Variants in TBC1D14 observed in about 807,000 individuals in gnomAD.
TBC1D14 encodes TBC1 domain family member 14.
Under a neutral mutation model 79.0 loss-of-function variants are expected in TBC1D14, and 26 were observed. The observed-to-expected ratio is 0.33, with a 90% CI of 0.24 to 0.46. The LOEUF is 0.46. Among genes scored for constraint, TBC1D14 ranks in the 20% least tolerant of loss-of-function variants. The probability of loss-of-function intolerance (pLI) is 1.00; values close to 1 mark genes in which losing one functional copy is unlikely to be tolerated. For missense variants in TBC1D14, 769 were observed against 887.6 expected (o/e 0.87, Z 1.70); for synonymous variants, 394 against 349.9 (o/e 1.13, Z -1.40).
rs1289734835 is a variant in TBC1D14 at position 6,916,516 on chromosome 4, A to C, written c.-18+6565A>C. ...TCCCACTGCTTTTTAAGGAGGAGAA[A>C]ATCAAGCAGTTGCTTCTAGATGGAA... On this transcript the variant is annotated intron_variant, in intron 1 of 13. Coordinates refer to ENST00000409757, the MANE Select transcript of TBC1D14 (RefSeq NM_020773.3). Among the ~76,000 whole-genome samples, 8 of 152,278 alleles carry C rather than the reference A, an allele frequency of 5.3e-5. No individual in the cohort carries two copies. The South Asian group carries it at 1.4e-3, about 28-fold the overall frequency.
intron 3 of TBC1D14, among the ~76,000 whole-genome samples, chr4:6,974,637 G>A (rs1430881730): frequency 1.3e-5 from 2 of 152,148 alleles, no homozygotes; most frequent in Admixed American, 1.3e-4. Flanking sequence ...GCTGACTTGG[G>A]AACCACAACT....
At chr4:6,915,768 A>G (rs933921305) in intron 1 of TBC1D14, among the ~76,000 whole-genome samples, 2 of 151,986 alleles carry the variant, frequency 1.3e-5, no homozygotes, top group African/African-American at 4.8e-5. Context: ...TGGGATCTGT[A>G]TACCCTCAGG....
At chr4:7,028,825 T>C (rs146048090) in intron 13 of TBC1D14, among the ~76,000 whole-genome samples, 162 of 152,082 alleles carry the variant, frequency 1.1e-3, no homozygotes, top group African/African-American at 3.6e-3. Flanking sequence ...CTGGTGAGCT[T>C]TCTTTTTCTT....
chr4:6,976,590 T>C (rs534255911), intron 3 of TBC1D14, among the ~76,000 whole-genome samples: 2 of 152,294 alleles, frequency 1.3e-5, no homozygotes, highest in African/African-American at 4.8e-5. Flanking sequence ...GGAATGAAAG[T>C]GAAATAAAGA....
At chr4:7,010,918 AG>A (rs1246457370) in intron 11 of TBC1D14, 137 bp downstream of exon 11, 2 of 1,059,836 alleles carry the variant, frequency 1.9e-6, no homozygotes, top group East Asian at 5.3e-5. Context: ...CAGCACTGTA[AG>A]GTGGAGGATG....
At chr4:7,000,749 G>T (rs112852443) in intron 6 of TBC1D14, among the ~76,000 whole-genome samples, 1 of 152,176 alleles carries the variant, frequency 6.6e-6, no homozygotes, top group African/African-American at 2.4e-5. Flanking sequence ...CAGTGCTGCT[G>T]CAGTGCCGCC....
At chr4:6,922,833 T>G (rs1577462351) in intron 1 of TBC1D14, among the ~76,000 whole-genome samples, 1 of 152,196 alleles carries the variant, frequency 6.6e-6, no homozygotes, top group South Asian at 2.1e-4. Flanking sequence ...GCGTGATGAT[T>G]ATTTTTACTT....
At chr4:6,969,872 C>T (rs1027592959) in intron 3 of TBC1D14, among the ~76,000 whole-genome samples, 6 of 152,160 alleles carry the variant, frequency 3.9e-5, no homozygotes, top group Non-Finnish European at 8.8e-5. Context: ...TGTAACTTAC[C>T]TGCGCGAGTC....
intron 3 of TBC1D14, among the ~76,000 whole-genome samples, chr4:6,978,355 A>G (rs1204859115): frequency 6.7e-6 from 1 of 148,212 alleles, no homozygotes; most frequent in African/African-American, 2.5e-5. Context: ...TCTGTGTAGA[A>G]AGAGGTAGAC....
Position 6,957,947 on chromosome 4 carries a change from CT to C in TBC1D14, c.723-9345del, listed in dbSNP as rs10665611. Among the ~76,000 whole-genome samples, 1,396 of 147,434 alleles carry C rather than the reference CT, an allele frequency of 9.5e-3. 21 individuals carry two copies. Among genetic ancestry groups the C allele is most frequent in the African/African-American group, 0.031 (1,258 of 40,288 alleles). On this transcript the variant is annotated intron_variant, in intron 2 of 13. Coordinates refer to ENST00000409757, the MANE Select transcript of TBC1D14 (RefSeq NM_020773.3). ...AAAATAAATAAAAAAGGAGTGCTGG[CT>C]TTTTTTTTTTTATGGGCTGTTTTTA...
At chr4:6,921,650 A>G (rs933438782) in intron 1 of TBC1D14, among the ~76,000 whole-genome samples, 1 of 118,718 alleles carries the variant, frequency 8.4e-6, no homozygotes, top group Non-Finnish European at 1.8e-5. Context: ...CTCAGCCTCC[A>G]TGAGTAGCTG....
At chr4:6,971,085 A>G (rs756735679) in intron 3 of TBC1D14, among the ~76,000 whole-genome samples, 3 of 150,806 alleles carry the variant, frequency 2.0e-5, no homozygotes, top group South Asian at 4.2e-4. Context: ...ACCTGCTTCA[A>G]GGAGCCTGTG....
At chr4:6,947,835 G>T (rs995336470) in intron 2 of TBC1D14, among the ~76,000 whole-genome samples, 2 of 152,098 alleles carry the variant, frequency 1.3e-5, no homozygotes, top group African/African-American at 4.8e-5. Flanking sequence ...GGAGACGTTC[G>T]TGGCAGAGTC....
intron 2 of TBC1D14, among the ~76,000 whole-genome samples, chr4:6,945,719 A>T (rs1447029530): frequency 7.5e-6 from 1 of 133,656 alleles, no homozygotes; most frequent in Non-Finnish European, 1.5e-5. Context: ...ATTGCGCTCC[A>T]GCCTGGGCAA....
At chr4:6,966,442 C>G (rs944855436) in intron 2 of TBC1D14, among the ~76,000 whole-genome samples, 8 of 152,170 alleles carry the variant, frequency 5.3e-5, no homozygotes, top group African/African-American at 1.9e-4. Context: ...TCATGAGTAA[C>G]TTTCTTTTTA....
chr4:6,926,107 G>T (rs1724275522), intron 2 of TBC1D14, among the ~76,000 whole-genome samples: 2 of 152,310 alleles, frequency 1.3e-5, no homozygotes, highest in South Asian at 4.1e-4. Flanking sequence ...GAGGAGCGTG[G>T]CCCGTGTGCC....
intron 11 of TBC1D14, among the ~76,000 whole-genome samples, chr4:7,011,279 G>A (rs748108657): frequency 1.3e-5 from 2 of 150,110 alleles, no homozygotes; most frequent in Non-Finnish European, 3.0e-5. Flanking sequence ...TTGTTTAGTG[G>A]ACCGCTCTAG....
chr4:6,935,890 C>T (rs1295435204), intron 2 of TBC1D14, among the ~76,000 whole-genome samples: 2 of 152,088 alleles, frequency 1.3e-5, no homozygotes, highest in African/African-American at 4.8e-5. Context: ...GTGATTCACC[C>T]ACCTCGGCCT....
chr4:6,984,319 T>C (rs1242570746), intron 3 of TBC1D14, among the ~76,000 whole-genome samples: 3 of 152,178 alleles, frequency 2.0e-5, no homozygotes, highest in Non-Finnish European at 4.4e-5. Flanking sequence ...CGTGGAGCAG[T>C]GGCTGGCATC....
Sources: allele counts gnomAD v4.1 joint callset (sites outside exome capture counted in the v4.1 genomes callset), GRCh38; gene constraint gnomAD v4.1.1; transcripts MANE v1.5; gene names NCBI Gene and HGNC (gene_info 2026-07-23, HGNC 2026-07-21).